Variants in NPAS3 observed in about 807,000 individuals in gnomAD.
NPAS3 encodes the protein neuronal PAS domain protein 3.
NPAS3 carries 14 observed loss-of-function variants against 73.1 expected under a neutral mutation model. The ratio of observed to expected loss-of-function variants is 0.19; its 90% confidence interval spans 0.13 to 0.30. The LOEUF is 0.30. Ranked by LOEUF, NPAS3 falls within the 10% of genes least tolerant of loss-of-function variation. NPAS3 has a pLI of 1.00. For missense variants in NPAS3, 1,096 were observed against 1,250.0 expected, an observed-to-expected ratio of 0.88 and a Z score of 1.86; for synonymous variants, 620 against 541.5, an observed-to-expected ratio of 1.14 and a Z score of -2.01.
chr14:33,449,652 G>C lies in NPAS3; in HGVS notation c.468+82384G>C, dbSNP rs140912852. On this transcript the variant is annotated intron_variant, in intron 4 of 11. Coordinates refer to ENST00000356141, the Ensembl canonical transcript of NPAS3. ...ACATGCACACACACACACACACACA[G>C]AGAAGAAACTGAGAATTTAAATGGC... Among the ~76,000 whole-genome samples the C allele has an allele frequency of 6.8e-3, 1,019 of 150,886 alleles. 13 individuals carry two copies. Among genetic ancestry groups the C allele is most frequent in the African/African-American group, 0.024 (980 of 41,254 alleles).
intron 2 of NPAS3, among the ~76,000 whole-genome samples, chr14:33,065,348 G>A (rs888765303): frequency 5.3e-5 from 8 of 152,062 alleles, no homozygotes; most frequent in Admixed American, 3.3e-4. Context: ...GGAGTTTTCT[G>A]GTTGCTTTCC....
chr14:33,500,617 A>G (rs1263550428), intron 4 of NPAS3, among the ~76,000 whole-genome samples: 3 of 152,042 alleles, frequency 2.0e-5, no homozygotes, highest in Admixed American at 6.6e-5. Flanking sequence ...CAGAAATACT[A>G]TGCAAACTTC....
At chr14:33,099,828 C>G (rs1208060049) in intron 2 of NPAS3, among the ~76,000 whole-genome samples, 2 of 152,110 alleles carry the variant, frequency 1.3e-5, no homozygotes, top group African/African-American at 4.8e-5. Context: ...AGAGAAAGGA[C>G]TAGCAGTGGC....
At chr14:33,294,253 G>A (rs571635951) in intron 3 of NPAS3, among the ~76,000 whole-genome samples, 1 of 152,226 alleles carries the variant, frequency 6.6e-6, no homozygotes, top group South Asian at 2.1e-4. Flanking sequence ...ACCCACATTG[G>A]TCTTCTTTCA....
intron 5 of NPAS3, chr14:33,612,545 G>T: frequency 2.2e-6 from 1 of 455,702 alleles, no homozygotes; most frequent in Non-Finnish European, 4.4e-6. Flanking sequence ...GGCTTTAAAA[G>T]ATATTATTGC....
rs147365487 is a variant in NPAS3, at chr14:33,008,068, G to C, written c.51-47837G>C. Among the ~76,000 whole-genome samples, 9 of 152,238 alleles carry C rather than the reference G, an allele frequency of 5.9e-5. No homozygotes were observed. The East Asian group carries it at 1.7e-3, about 29-fold the overall frequency. Reference sequence around the variant, plus strand: ...TTTACCAAGGAATTGTATGTAATTAGGATGTATACTTAATTAAAATAATTC... The same window carrying C: ...TTTACCAAGGAATTGTATGTAATTACGATGTATACTTAATTAAAATAATTC... On this transcript the variant is annotated intron_variant, in intron 1 of 11. Transcript: ENST00000356141.
chr14:33,401,073 C>T lies in NPAS3; in HGVS notation c.468+33805C>T, dbSNP rs1308893072. ...CTTTTGTAGTTTGTTAGCAAGTTAG[C>T]ATACTGAGGACGTTTTCAAGATGTT... is the stretch of plus-strand genomic sequence containing the variant. On this transcript the variant is annotated intron_variant, in intron 4 of 11. Transcript: ENST00000356141. 2.6e-5 allele frequency among the ~76,000 whole-genome samples: 4 copies of T among 152,254 alleles called. No homozygotes were observed. The East Asian group carries it at 7.7e-4, about 29-fold the overall frequency.
chr14:32,992,961 A>G (rs767578222), intron 1 of NPAS3, among the ~76,000 whole-genome samples: 24 of 151,892 alleles, frequency 1.6e-4, no homozygotes, highest in Middle Eastern at 3.2e-3. Flanking sequence ...TCAAGACCAG[A>G]CTGGCCAACA....
At chr14:33,082,912 T>C (rs750942055) in intron 2 of NPAS3, among the ~76,000 whole-genome samples, 24 of 152,100 alleles carry the variant, frequency 1.6e-4, no homozygotes, top group Non-Finnish European at 3.4e-4. Context: ...GCACAATGTC[T>C]CACATCTTTA....
chr14:33,174,111 C>T (rs1422179375), intron 2 of NPAS3, among the ~76,000 whole-genome samples: 2 of 152,170 alleles, frequency 1.3e-5, no homozygotes, highest in African/African-American at 4.8e-5. Context: ...AATTTTACAA[C>T]TAATTGATTT....
intron 6 of NPAS3, among the ~76,000 whole-genome samples, chr14:33,724,518 CAG>C (rs1290045878): frequency 6.6e-6 from 1 of 152,092 alleles, no homozygotes; most frequent in Non-Finnish European, 1.5e-5. Context: ...CCTGTAGTCC[CAG>C]CTACTCAGGA....
At chr14:33,457,764 G>A (rs1468016007) in intron 4 of NPAS3, among the ~76,000 whole-genome samples, 12 of 152,062 alleles carry the variant, frequency 7.9e-5, no homozygotes, top group Admixed American at 5.9e-4. Flanking sequence ...AGTCTGGCTC[G>A]CTCTCTGGGC....
intron 5 of NPAS3, among the ~76,000 whole-genome samples, chr14:33,622,682 G>A (rs1247056006): frequency 6.6e-6 from 1 of 152,182 alleles, no homozygotes; most frequent in Non-Finnish European, 1.5e-5. Flanking sequence ...GTATTGAGAC[G>A]CAAATATGGT....
chr14:33,258,416 T>A (rs2048853911), intron 3 of NPAS3, among the ~76,000 whole-genome samples: 2 of 152,088 alleles, frequency 1.3e-5, no homozygotes, highest in African/African-American at 4.8e-5. Flanking sequence ...TAAAAAAAAG[T>A]TAAAATGCCT....
intron 4 of NPAS3, among the ~76,000 whole-genome samples, chr14:33,387,378 C>T (rs888247802): frequency 3.9e-5 from 6 of 152,146 alleles, no homozygotes; most frequent in African/African-American, 1.2e-4. Flanking sequence ...TGGCAAGACT[C>T]AGAAGCCCGG....
intron 5 of NPAS3, among the ~76,000 whole-genome samples, chr14:33,575,833 T>G (rs528506304): frequency 6.6e-6 from 1 of 152,156 alleles, no homozygotes; most frequent in Non-Finnish European, 1.5e-5. Context: ...ATATAGAACA[T>G]GTACATTTAA....
intron 2 of NPAS3, among the ~76,000 whole-genome samples, chr14:33,124,799 T>A (rs1053287552): frequency 1.3e-5 from 2 of 152,076 alleles, no homozygotes; most frequent in African/African-American, 4.8e-5. Flanking sequence ...AAGAAAGATG[T>A]TTAAACATAG....
At chr14:33,105,631 A>C (rs1025408118) in intron 2 of NPAS3, among the ~76,000 whole-genome samples, 1 of 152,176 alleles carries the variant, frequency 6.6e-6, no homozygotes, top group Admixed American at 6.6e-5. Flanking sequence ...TTAGATAAAT[A>C]TGCAGATGTG....
At chr14:33,736,842 T>G (rs1192976375) in intron 7 of NPAS3, among the ~76,000 whole-genome samples, 2 of 152,298 alleles carry the variant, frequency 1.3e-5, no homozygotes, top group Middle Eastern at 3.4e-3. Context: ...TTAAGTATAA[T>G]TCAATATTAT....
Sources: allele counts gnomAD v4.1 joint callset (sites outside exome capture counted in the v4.1 genomes callset), GRCh38; gene constraint gnomAD v4.1.1; transcripts MANE v1.5; gene names NCBI Gene and HGNC (gene_info 2026-07-23, HGNC 2026-07-21).